The following BICD2 variants were observed in gnomAD, a reference collection of about 807,000 sequenced individuals.
The protein encoded by BICD2 is BICD cargo adaptor 2.
BICD2 carries 25 observed loss-of-function variants against 72.9 expected under a neutral mutation model. That is an observed-to-expected ratio of 0.34 (90% CI 0.25 to 0.48). BICD2 has a LOEUF of 0.48. Ranked by LOEUF, BICD2 falls within the 20% of genes least tolerant of loss-of-function variation. BICD2 has a pLI of 0.99. For missense variants in BICD2, 894 were observed against 1,175.2 expected (o/e 0.76, Z 3.50); for synonymous variants, 501 against 516.1 (o/e 0.97, Z 0.40).
Position 92,764,678 on chromosome 9 carries a change from G to A in BICD2, c.67C>T (p.Arg23Cys). The change falls in exon 1 of 7, where the codon CGC becomes TGC. Residue 23 changes from arginine (R) to cysteine (C), a missense_variant. Physicochemically the swap from Arg to Cys is radical, Grantham distance 180. Transcript: ENST00000356884. This position sits in a 1 kb window ranked among gnomAD's most constrained non-coding sequence, Gnocchi z 5.5. Reference protein sequence around the residue: ...LVMEAQPEWLRAEVKRLSHEL... With the variant: ...LVMEAQPEWLCAEVKRLSHEL... ...TGGGACAGCCGCTTCACCTCGGCGCGCAGCCACTCCGGCTGCGCCTCCATC... is the reference window on the plus strand; with the variant it reads ...TGGGACAGCCGCTTCACCTCGGCGCACAGCCACTCCGGCTGCGCCTCCATC... The A allele has an allele frequency of 1.3e-6, 2 of 1,589,140 alleles. No individual in the cohort carries two copies. The highest frequency in any genetic ancestry group is 1.7e-6 in the Non-Finnish European group (2 of 1,171,970).
Position 92,718,904 on chromosome 9 carries a change from G to A in BICD2, c.1741C>T (p.Arg581Cys), listed in dbSNP as rs771001231. 93 of 1,598,786 alleles carry A rather than the reference G, an allele frequency of 5.8e-5. No homozygotes were observed. The highest frequency in any genetic ancestry group is 2.0e-4 in the East Asian group (9 of 44,512). The change falls in exon 5 of 7, where the codon CGC (arginine) becomes TGC (cysteine). Residue 581 changes from arginine (R) to cysteine (C), a missense_variant. Transcript: ENST00000356884. ...GRTSPEARGR[R>C]SPILLPKGLL... The stretch of plus-strand genomic sequence containing the variant: ...CCCTTGGGTAGGAGGATGGGTGAGC[G>A]CCGGCCACGCGCCTCGGGGCTGGTG...
At chr9:92,738,614 T>A (rs1853835848) in intron 1 of BICD2, among the ~76,000 whole-genome samples, 1 of 152,284 alleles carries the variant, frequency 6.6e-6, no homozygotes, top group South Asian at 2.1e-4. Context: ...CGGACAAACC[T>A]GTACAGGGAG....
At chr9:92,725,971 C>G (rs922373636) in intron 2 of BICD2, among the ~76,000 whole-genome samples, 5 of 152,212 alleles carry the variant, frequency 3.3e-5, no homozygotes, top group Non-Finnish European at 5.9e-5. Context: ...ACATCCCCAC[C>G]AAGGCCCAAT....
rs978192299 is a variant in BICD2 at position 92,712,227 on chromosome 9, A to G, written c.*2927T>C. ...GTTTTGTGTTTGCTTTCATTTTCTA[A>G]GCCCCTGAATTTGCAAGTAAAGAAT... On this transcript the variant is annotated 3_prime_UTR_variant, in exon 7 of 7. Transcript: ENST00000356884. 6.6e-6 allele frequency: 1 copy of G among 152,618 alleles called. No homozygotes were observed. The highest frequency in any genetic ancestry group is 6.5e-5 in the Admixed American group (1 of 15,274). The allele number at this position is 152,618 out of a possible 1,614,324, so 9.5% of individuals were successfully genotyped here. A position where few individuals can be genotyped will look rare whatever the true frequency, so the allele number is the denominator to read the frequency against.
chr9:92,720,816 T>C lies in BICD2; in HGVS notation c.607-61A>G. 1 of 1,536,516 alleles carries C rather than the reference T, an allele frequency of 6.5e-7. No individual in the cohort carries two copies. The highest frequency in any genetic ancestry group is 8.8e-7 in the Non-Finnish European group (1 of 1,135,100). On this transcript the variant is annotated intron_variant, in intron 3 of 6. Transcript: ENST00000356884. The surrounding 1 kb of genome is among the most constrained non-coding windows in gnomAD (Gnocchi z 5.4). The stretch of plus-strand genomic sequence containing the variant: ...ATGTGGAAGCTCCTTTCAGGCCCCA[T>C]AAATGAAGAAAACACACCAGCACAC...
chr9:92,751,310 C>G (rs1324778746), intron 1 of BICD2, among the ~76,000 whole-genome samples: 1 of 151,950 alleles, frequency 6.6e-6, no homozygotes, highest in Non-Finnish European at 1.5e-5. Flanking sequence ...GGGACCACGC[C>G]CGGCTAATTT....
rs1853452578 is a variant in BICD2, at chr9:92,720,926, T to A, written c.607-171A>T. Among the ~76,000 whole-genome samples, 1 of 152,180 alleles carries A rather than the reference T, an allele frequency of 6.6e-6. No individual in the cohort carries two copies. ...GGTGGCAGCCCGTCCAGGCCAAGACTGCTTCCTCTGCTCAGAGATGTGGAT... is the reference window on the plus strand; with the variant it reads ...GGTGGCAGCCCGTCCAGGCCAAGACAGCTTCCTCTGCTCAGAGATGTGGAT... On this transcript the variant is annotated intron_variant, in intron 3 of 6. Transcript: ENST00000356884. The surrounding 1 kb of genome is among the most constrained non-coding windows in gnomAD (Gnocchi z 5.4).
chr9:92,740,537 AG>A (rs1343250346), intron 1 of BICD2, among the ~76,000 whole-genome samples: 1 of 143,896 alleles, frequency 6.9e-6, no homozygotes, highest in Non-Finnish European at 1.5e-5. Flanking sequence ...TGGGGCGGGG[AG>A]GGGGGGCGTT....
At chr9:92,718,007 T>G in intron 5 of BICD2, 59 bp from the exon 6 acceptor site, 1 of 1,561,214 alleles carries the variant, frequency 6.4e-7, no homozygotes, top group African/African-American at 1.4e-5. Context: ...CTAGAGGTGC[T>G]CTGGGAGCAG....
intron 1 of BICD2, among the ~76,000 whole-genome samples, chr9:92,760,137 T>C (rs767112572): frequency 9.9e-5 from 15 of 151,474 alleles, no homozygotes; most frequent in Non-Finnish European, 1.8e-4. Context: ...CCCTGTGGAG[T>C]CAGTATGGAG....
At chr9:92,721,742 G>T (rs894759084) in intron 3 of BICD2, among the ~76,000 whole-genome samples, 1 of 152,218 alleles carries the variant, frequency 6.6e-6, no homozygotes, top group Non-Finnish European at 1.5e-5. Context: ...TGAGGACAGG[G>T]TCGCCTCAAG....
At chr9:92,749,321 C>T (rs901589227) in intron 1 of BICD2, among the ~76,000 whole-genome samples, 3 of 152,238 alleles carry the variant, frequency 2.0e-5, no homozygotes, top group African/African-American at 7.2e-5. Context: ...CCTCACACCA[C>T]AGGAGGCTGA....
chr9:92,730,660 G>A (rs966710343), intron 1 of BICD2, among the ~76,000 whole-genome samples: 1 of 152,088 alleles, frequency 6.6e-6, no homozygotes, highest in Non-Finnish European at 1.5e-5. Flanking sequence ...TGTATGTGTT[G>A]TGTGTGTGTG....
intron 1 of BICD2, among the ~76,000 whole-genome samples, chr9:92,742,081 CAGAATGTAAGT>C (rs1853907671): frequency 6.6e-6 from 1 of 152,034 alleles, no homozygotes; most frequent in African/African-American, 2.4e-5. Context: ...ATGAGAAAGA[CAGAATGTAAGT>C]TGGAAGGTAA....
chr9:92,738,211 G>A (rs1853828567), intron 1 of BICD2, among the ~76,000 whole-genome samples: 1 of 152,242 alleles, frequency 6.6e-6, no homozygotes, highest in South Asian at 2.1e-4. Flanking sequence ...TTGGGCGTGT[G>A]TAAGCCCACC....
Position 92,719,408 on chromosome 9 carries a change from CGTT to C in BICD2, c.1234_1236del (p.Asn412del), listed in dbSNP as rs1564060437. Reference sequence around the variant, plus strand: ...TCCTCATGGCTGTCACGGTCCTTCTCGTTGTCCAGGGCTGTCTGCCGCTCCTTG... The same window carrying C: ...TCCTCATGGCTGTCACGGTCCTTCTCGTCCAGGGCTGTCTGCCGCTCCTTG... On this transcript the variant is annotated inframe_deletion, in exon 5 of 7. Coordinates refer to ENST00000356884, the MANE Select transcript of BICD2 (RefSeq NM_001003800.2). 8 of 1,614,192 alleles carry C rather than the reference CGTT, an allele frequency of 5.0e-6. No individual in the cohort carries two copies. The highest frequency in any genetic ancestry group is 2.2e-5 in the East Asian group (1 of 44,880).
At chr9:92,715,512 GAGGGCAGGGC>G (rs759968141) in intron 6 of BICD2, 49 bp from the exon 7 acceptor site, 2 of 1,539,802 alleles carry the variant, frequency 1.3e-6, no homozygotes, top group South Asian at 2.5e-5. Flanking sequence ...CCGAGCAGAG[GAGGGCAGGGC>G]AGGGCAGGGC....
chr9:92,713,261 T>C lies in BICD2; in HGVS notation c.*1893A>G. On this transcript the variant is annotated 3_prime_UTR_variant, in exon 7 of 7. Coordinates refer to ENST00000356884, the MANE Select transcript of BICD2 (RefSeq NM_001003800.2). The stretch of plus-strand genomic sequence containing the variant: ...TTCCACGCAGCAGCTCGCAGCATGC[T>C]CAACATTAAAGCTTTTTTTCCTCCC... 1.5e-6 allele frequency: 1 copy of C among 650,462 alleles called. No individual in the cohort carries two copies. The highest frequency in any genetic ancestry group is 2.6e-6 in the Non-Finnish European group (1 of 381,580). 40.3% of individuals were successfully genotyped at this position (650,462 alleles called of 1,614,324 possible).
intron 1 of BICD2, among the ~76,000 whole-genome samples, chr9:92,751,915 C>T (rs1003823849): frequency 6.6e-6 from 1 of 151,888 alleles, no homozygotes; most frequent in Non-Finnish European, 1.5e-5. Flanking sequence ...AGTAATTCTC[C>T]TGCCTCAGCC....
Sources: gnomAD v4.1 joint callset for allele counts (sites outside exome capture counted in the v4.1 genomes callset) on GRCh38, gnomAD v4.1.1 for gene constraint, Gnocchi (gnomAD v3.1) non-coding constraint, MANE v1.5 for transcripts, NCBI Gene and HGNC (gene_info 2026-07-23, HGNC 2026-07-21) for gene names.